The following SPTB variants were observed in gnomAD, a reference collection of about 807,000 sequenced individuals.
The protein encoded by SPTB is spectrin beta, erythrocytic.
Under a neutral mutation model 256.2 loss-of-function variants are expected in SPTB, and 45 were observed. The observed-to-expected ratio is 0.18, with a 90% CI of 0.14 to 0.23. SPTB has a LOEUF of 0.23. SPTB is among the 10% of genes least tolerant of loss of function. The probability of loss-of-function intolerance (pLI) is 1.00; values close to 1 mark genes in which losing one functional copy is unlikely to be tolerated. For missense variants in SPTB, 2,715 were observed against 3,040.4 expected (o/e 0.89, Z 2.52); for synonymous variants, 1,231 against 1,243.1 (o/e 0.99, Z 0.21).
Position 64,753,710 on chromosome 14 carries a change from C to T in SPTB, c.6429G>A (p.Gly2143=). Residue 2143 remains glycine, a synonymous_variant, in exon 33 of 36, where the codon GGG becomes GGA. Coordinates refer to ENST00000644917, the MANE Select transcript of SPTB (RefSeq NM_001355436.2). ...GGGGCTCCGTGGTGGGCCTCTCATC[C>T]CCAGTGGATTTCTGCCCATCCTTGT... is the stretch of plus-strand genomic sequence containing the variant. ...GQHKDGQKST[G]DERPTTEPLF... 1 of 1,613,794 alleles carries T rather than the reference C, an allele frequency of 6.2e-7. No homozygotes were observed. The highest frequency in any genetic ancestry group is 2.2e-5 in the East Asian group (1 of 44,874).
In SPTB at chr14:64,853,887, A is replaced by G. The variant is rs1275532713; in HGVS notation, c.-52+25905T>C. Among the ~76,000 whole-genome samples the G allele has an allele frequency of 6.6e-6, 1 of 152,032 alleles. No homozygotes were observed. Among genetic ancestry groups the G allele is most frequent in the Admixed American group, 6.6e-5 (1 of 15,264 alleles). On this transcript the variant is annotated intron_variant, in intron 1 of 35. Transcript: ENST00000644917. The surrounding 1 kb of genome is among the most constrained non-coding windows in gnomAD (Gnocchi z 4.3). Reference sequence around the variant, plus strand: ...TATGACTCAAGAGACATTTATTAAAAATTTTTTTAGATACTTATCACTGGC... The same window carrying G: ...TATGACTCAAGAGACATTTATTAAAGATTTTTTTAGATACTTATCACTGGC...
chr14:64,841,746 T>C lies in SPTB; in HGVS notation c.-51-18601A>G, dbSNP rs1019842757. Reference sequence around the variant, plus strand: ...CAGCTGCCCTCTGACATCCCATATATATATATATATTTTTTAAGGGTCTTT... The same window carrying C: ...CAGCTGCCCTCTGACATCCCATATACATATATATATTTTTTAAGGGTCTTT... On this transcript the variant is annotated intron_variant, in intron 1 of 35. Transcript: ENST00000644917. The surrounding 1 kb of genome is among the most constrained non-coding windows in gnomAD (Gnocchi z 4.6). Among the ~76,000 whole-genome samples, 2 of 151,744 alleles carry C rather than the reference T, an allele frequency of 1.3e-5. No individual in the cohort carries two copies. Among genetic ancestry groups the C allele is most frequent in the Non-Finnish European group, 2.9e-5 (2 of 67,966 alleles).
At position 64,825,231 on chromosome 14, in the gene SPTB, C is replaced by A. The variant is rs1184400059; in HGVS notation, c.-51-2086G>T. Among the ~76,000 whole-genome samples, 1 of 152,148 alleles carries A rather than the reference C, an allele frequency of 6.6e-6. No individual in the cohort carries two copies. The highest frequency in any genetic ancestry group is 1.9e-4 in the East Asian group (1 of 5,182). On this transcript the variant is annotated intron_variant, in intron 1 of 35. Coordinates refer to ENST00000644917, the MANE Select transcript of SPTB (RefSeq NM_001355436.2). The surrounding 1 kb of genome is among the most constrained non-coding windows in gnomAD (Gnocchi z 4.8). ...GACAGAGGGCATTTCCCAGCCAGGG[C>A]TTAGCAAAAGTGTTTGCCACTCAAG... is the stretch of plus-strand genomic sequence containing the variant.
rs750693612 is a variant in SPTB at position 64,797,771 on chromosome 14, C to A, written c.1140G>T (p.Val380=). Residue 380 remains valine (V), a synonymous_variant, in exon 10 of 36, where the codon GTG becomes GTT. Coordinates refer to ENST00000644917, the MANE Select transcript of SPTB (RefSeq NM_001355436.2). The part of the protein sequence containing the change: ...QSRMRANNQK[V]YTPHDGKLVS... ...CTAGTTTCCCATCGTGGGGTGTGTA[C>A]ACTTTCTGATTGTTGGCTCTCATCC... is the stretch of plus-strand genomic sequence containing the variant. 2.9e-5 allele frequency: 47 copies of A among 1,614,012 alleles called. No individual in the cohort carries two copies. Among genetic ancestry groups the A allele is most frequent in the Non-Finnish European group, 2.2e-5 (26 of 1,180,014 alleles).
intron 1 of SPTB, among the ~76,000 whole-genome samples, chr14:64,848,069 C>T (rs140570026): frequency 2.0e-4 from 30 of 152,294 alleles, no homozygotes; most frequent in African/African-American, 6.0e-4. Context: ...TCTCTTCCAG[C>T]GACTCACCAT....
chr14:64,773,534 G>A, intron 24 of SPTB, 110 bp from the exon 25 acceptor site: 1 of 1,165,270 alleles, frequency 8.6e-7, no homozygotes, highest in East Asian at 2.3e-5. Flanking sequence ...GGATAGGTAG[G>A]GAGTGAAGCT....
chr14:64,775,625 T>G lies in SPTB; in HGVS notation c.4564-222A>C, dbSNP rs187537425. Among the ~76,000 whole-genome samples the G allele has an allele frequency of 3.9e-5, 6 of 152,370 alleles. No homozygotes were observed. The East Asian group carries it at 1.2e-3, about 29-fold the overall frequency. On this transcript the variant is annotated intron_variant, in intron 22 of 35. Transcript: ENST00000644917. The surrounding 1 kb of genome is among the most constrained non-coding windows in gnomAD (Gnocchi z 5.0). ...CAGGTGGCCTGCTGAGATAAGCATGTGGAGACCAGCATGCAGCAGTGAAGT... is the reference window on the plus strand; with the variant it reads ...CAGGTGGCCTGCTGAGATAAGCATGGGGAGACCAGCATGCAGCAGTGAAGT...
At chr14:64,836,337 T>C (rs1036861650) in intron 1 of SPTB, among the ~76,000 whole-genome samples, 4 of 152,180 alleles carry the variant, frequency 2.6e-5, no homozygotes, top group Non-Finnish European at 4.4e-5. Context: ...CCCTAATTAA[T>C]ACACTCGCCA....
intron 15 of SPTB, 95 bp downstream of exon 15, chr14:64,791,624 G>T: frequency 8.6e-7 from 1 of 1,159,378 alleles, no homozygotes; most frequent in Non-Finnish European, 1.3e-6. Context: ...AAGTGTTGGT[G>T]CATACTAGGT....
At chr14:64,869,389 A>G (rs1566812259) in intron 1 of SPTB, among the ~76,000 whole-genome samples, 1 of 152,036 alleles carries the variant, frequency 6.6e-6, no homozygotes, top group Admixed American at 6.6e-5. Flanking sequence ...TGAGCTCCAC[A>G]CTCTAACCAA....
In SPTB at chr14:64,825,403, T is replaced by C. The variant is rs1440295918; in HGVS notation, c.-51-2258A>G. Among the ~76,000 whole-genome samples the C allele has an allele frequency of 1.3e-5, 2 of 152,138 alleles. No homozygotes were observed. Among genetic ancestry groups the C allele is most frequent in the African/African-American group, 2.4e-5 (1 of 41,442 alleles). On this transcript the variant is annotated intron_variant, in intron 1 of 35. Transcript: ENST00000644917. The surrounding 1 kb of genome is among the most constrained non-coding windows in gnomAD (Gnocchi z 4.8). ...GGACTTGCTGCTTCCAGGACTGAGA[T>C]TTCGCACCCAACTGGCTGGGCAACG...
Position 64,759,551 on chromosome 14 carries a change from G to A in SPTB, c.6346-5758C>T, listed in dbSNP as rs1243339440. ...GTCTGAGGTGGGGACTGCCTTACCC[G>A]ACAGGAGGCGAGATCTATGGACAGA... On this transcript the variant is annotated intron_variant, in intron 32 of 35. Transcript: ENST00000644917. The surrounding 1 kb of genome is among the most constrained non-coding windows in gnomAD (Gnocchi z 4.8). 1.3e-5 allele frequency among the ~76,000 whole-genome samples: 2 copies of A among 152,216 alleles called. No individual in the cohort carries two copies. The highest frequency in any genetic ancestry group is 2.4e-5 in the African/African-American group (1 of 41,448).
At chr14:64,750,522 T>A (rs2081929138) in intron 33 of SPTB, among the ~76,000 whole-genome samples, 1 of 152,166 alleles carries the variant, frequency 6.6e-6, no homozygotes, top group Non-Finnish European at 1.5e-5. Flanking sequence ...ACACTTGTAA[T>A]CCCAGCACTT....
At chr14:64,780,866 CA>C (rs2082457569) in intron 20 of SPTB, among the ~76,000 whole-genome samples, 1 of 152,164 alleles carries the variant, frequency 6.6e-6, no homozygotes, top group Non-Finnish European at 1.5e-5. Flanking sequence ...GGTATTGGTA[CA>C]AAAACCGGCA....
intron 1 of SPTB, among the ~76,000 whole-genome samples, chr14:64,865,243 G>A (rs1882097955): frequency 6.6e-6 from 1 of 151,818 alleles, no homozygotes; most frequent in Non-Finnish European, 1.5e-5. Flanking sequence ...ACCAGACTCT[G>A]CTGCTCACAA....
rs759634959 is a variant in SPTB at position 64,749,505 on chromosome 14, A to G, written c.6820-32T>C. The G allele has an allele frequency of 3.3e-5, 52 of 1,597,640 alleles. No individual in the cohort carries two copies. The highest frequency in any genetic ancestry group is 4.2e-5 in the Non-Finnish European group (49 of 1,177,680). ...GGCGGAGGGTCACGGTGGAGTCTGGAGGCCCACAGCCCCCCACCTCCCGGG... is the reference window on the plus strand; with the variant it reads ...GGCGGAGGGTCACGGTGGAGTCTGGGGGCCCACAGCCCCCCACCTCCCGGG... On this transcript the variant is annotated intron_variant, in intron 35 of 35. Coordinates refer to ENST00000644917, the MANE Select transcript of SPTB (RefSeq NM_001355436.2). The surrounding 1 kb of genome is among the most constrained non-coding windows in gnomAD (Gnocchi z 4.7).
At chr14:64,850,980 G>A (rs1192234324) in intron 1 of SPTB, among the ~76,000 whole-genome samples, 1 of 152,162 alleles carries the variant, frequency 6.6e-6, no homozygotes, top group African/African-American at 2.4e-5. Context: ...TTCTGTCTAT[G>A]TACATGTCAC....
intron 1 of SPTB, among the ~76,000 whole-genome samples, chr14:64,864,689 T>G (rs1222463036): frequency 3.9e-5 from 6 of 152,250 alleles, no homozygotes; most frequent in Admixed American, 3.9e-4. Context: ...AGTTGTTACC[T>G]GTGCCTCTTC....
chr14:64,798,516 C>T (rs901132181), intron 9 of SPTB, among the ~76,000 whole-genome samples: 26 of 152,194 alleles, frequency 1.7e-4, no homozygotes, highest in Non-Finnish European at 3.2e-4. Flanking sequence ...ACCTAAGTGT[C>T]CACCCATTTC....
Sources: allele counts gnomAD v4.1 joint callset (sites outside exome capture counted in the v4.1 genomes callset), GRCh38; gene constraint gnomAD v4.1.1; non-coding constraint Gnocchi (gnomAD v3.1); transcripts MANE v1.5; gene names NCBI Gene and HGNC (gene_info 2026-07-23, HGNC 2026-07-21).